The following CFAP61 variants were observed in gnomAD, a reference collection of about 807,000 sequenced individuals.
CFAP61 encodes the protein cilia- and flagella-associated protein 61.
CFAP61 carries 107 observed loss-of-function variants against 135.6 expected under a neutral mutation model. That is an observed-to-expected ratio of 0.79 (90% CI 0.67 to 0.93). The LOEUF (loss-of-function observed/expected upper bound fraction) is 0.93, where lower values mean the gene tolerates loss of function less well. Among genes scored for constraint, CFAP61 ranks in the 40% least tolerant of loss-of-function variants. The pLI, the probability that CFAP61 is intolerant of heterozygous loss-of-function variation, is 0.00. For missense variants in CFAP61, 1,507 were observed against 1,556.2 expected (o/e 0.97, Z 0.53); for synonymous variants, 575 against 578.5 (o/e 0.99, Z 0.09).
At chr20:20,122,363 G>A (rs2049721193) in intron 8 of CFAP61, among the ~76,000 whole-genome samples, 1 of 152,040 alleles carries the variant, frequency 6.6e-6, no homozygotes, top group Non-Finnish European at 1.5e-5. Flanking sequence ...CACCATATTG[G>A]CCAGGCTGGT....
chr20:20,093,144 A>G (rs2047324219), intron 7 of CFAP61, among the ~76,000 whole-genome samples: 1 of 152,228 alleles, frequency 6.6e-6, no homozygotes, highest in Non-Finnish European at 1.5e-5. Context: ...AAAGAGAACG[A>G]AGCACTGATA....
chr20:20,200,955 A>G, intron 17 of CFAP61: 1 of 985,350 alleles, frequency 1.0e-6, no homozygotes, highest in East Asian at 1.1e-4. Context: ...TGTGTCTTAC[A>G]TTCATCTTTA....
At chr20:20,149,088 C>T (rs1386467889) in intron 9 of CFAP61, among the ~76,000 whole-genome samples, 2 of 152,148 alleles carry the variant, frequency 1.3e-5, no homozygotes, top group African/African-American at 4.8e-5. Context: ...GCGTAATTGA[C>T]ATATATAAAA....
intron 26 of CFAP61, 131 bp from the exon 27 acceptor site, chr20:20,360,079 T>A: frequency 1.4e-6 from 1 of 718,018 alleles, no homozygotes; most frequent in Non-Finnish European, 2.4e-6. Flanking sequence ...AAAATAAATT[T>A]TCAAAAGCTA....
intron 18 of CFAP61, among the ~76,000 whole-genome samples, chr20:20,245,341 T>A (rs538244228): frequency 2.4e-4 from 37 of 152,288 alleles, no homozygotes; most frequent in Admixed American, 2.3e-3. Flanking sequence ...TCCACGTGGC[T>A]GGGGAGGCCT....
At chr20:20,096,601 C>T (rs1404764081) in intron 7 of CFAP61, among the ~76,000 whole-genome samples, 4 of 152,230 alleles carry the variant, frequency 2.6e-5, no homozygotes, top group African/African-American at 4.8e-5. Flanking sequence ...TGCGCCAGCG[C>T]GGCTGTAGAT....
At chr20:20,136,440 T>G (rs2050930809) in intron 8 of CFAP61, among the ~76,000 whole-genome samples, 1 of 152,152 alleles carries the variant, frequency 6.6e-6, no homozygotes, top group Non-Finnish European at 1.5e-5. Flanking sequence ...TTTTTTCTTT[T>G]GTCTCCTCTG....
intron 21 of CFAP61, chr20:20,265,397 T>A (rs532647176): frequency 1.3e-6 from 1 of 779,842 alleles, no homozygotes; most frequent in African/African-American, 1.7e-5. Context: ...GCCTTTGTAT[T>A]GTCCTCTTGG....
chr20:20,125,246 T>C (rs1453582670), intron 8 of CFAP61, among the ~76,000 whole-genome samples: 1 of 151,812 alleles, frequency 6.6e-6, no homozygotes, highest in Admixed American at 6.6e-5. Context: ...GGTTATTTCC[T>C]TTCTTCTGCT....
At chr20:20,245,982 C>T (rs1278478941) in intron 18 of CFAP61, 135 bp from the exon 19 acceptor site, 8 of 621,498 alleles carry the variant, frequency 1.3e-5, no homozygotes, top group South Asian at 1.2e-4. Flanking sequence ...TCTGAAGGTT[C>T]GTGCAAAGAA....
intron 17 of CFAP61, among the ~76,000 whole-genome samples, chr20:20,223,303 C>T (rs956334130): frequency 2.6e-5 from 4 of 152,134 alleles, no homozygotes; most frequent in Non-Finnish European, 5.9e-5. Context: ...CCCGAGGAAA[C>T]TGATATTTAG....
chr20:20,201,624 T>C (rs936567299), intron 17 of CFAP61, among the ~76,000 whole-genome samples: 2 of 152,114 alleles, frequency 1.3e-5, no homozygotes, highest in African/African-American at 4.8e-5. Flanking sequence ...AAAGACAGTG[T>C]CTTGGGGTCA....
At chr20:20,161,888 C>T (rs2053434684) in intron 10 of CFAP61, among the ~76,000 whole-genome samples, 1 of 78,670 alleles carries the variant, frequency 1.3e-5, no homozygotes, top group Non-Finnish European at 2.7e-5. Context: ...CTCTCAATGC[C>T]AGGAGCCAGG....
At chr20:20,267,691 C>G (rs1296671942) in intron 21 of CFAP61, 1 of 152,190 alleles carries the variant, frequency 6.6e-6, no homozygotes, top group Admixed American at 6.5e-5. Flanking sequence ...CCCGTGGCCA[C>G]GAAAACGTAG....
chr20:20,142,818 CA>C (rs1450445287), intron 8 of CFAP61, 38 bp from the exon 9 acceptor site: 1 of 1,113,428 alleles, frequency 9.0e-7, no homozygotes, highest in Non-Finnish European at 1.3e-6. Context: ...AGATATTTAT[CA>C]TCTATTTTCT....
chr20:20,169,091 C>G (rs1458645342), intron 12 of CFAP61, among the ~76,000 whole-genome samples: 2 of 152,168 alleles, frequency 1.3e-5, no homozygotes, highest in African/African-American at 2.4e-5. Flanking sequence ...TTATAAGATT[C>G]ATTTATTCAG....
At chr20:20,322,381 C>T (rs1166448423) in intron 25 of CFAP61, among the ~76,000 whole-genome samples, 1 of 152,162 alleles carries the variant, frequency 6.6e-6, no homozygotes, top group Non-Finnish European at 1.5e-5. Flanking sequence ...GGCCTACCCC[C>T]ACAAAGAGAG....
chr20:20,067,662 T>TATAA lies in CFAP61; in HGVS notation c.144-3191_144-3190insTAAA, dbSNP rs2045377464. Among the ~76,000 whole-genome samples, 6 of 122,440 alleles carry TATAA rather than the reference T, an allele frequency of 4.9e-5. No homozygotes were observed. The South Asian group carries it at 1.4e-3, about 28-fold the overall frequency. 80.3% of individuals were successfully genotyped at this position (122,440 alleles called of 152,430 possible). A position where few individuals can be genotyped will look rare whatever the true frequency, so the allele number is the denominator to read the frequency against. ...ATCTCAAAATATATATATATATATATAATATATATATTTATATTATATATA... is the reference window on the plus strand; with the variant it reads ...ATCTCAAAATATATATATATATATATATAAAATATATATATTTATATTATATATA... On this transcript the variant is annotated intron_variant, in intron 2 of 26. Transcript: ENST00000245957.
At chr20:20,224,314 C>T (rs891146933) in intron 17 of CFAP61, among the ~76,000 whole-genome samples, 1 of 152,144 alleles carries the variant, frequency 6.6e-6, no homozygotes, top group Non-Finnish European at 1.5e-5. Flanking sequence ...CAGCCGGTCT[C>T]CCCTCCCATC....
Sources: allele counts gnomAD v4.1 joint callset (sites outside exome capture counted in the v4.1 genomes callset), GRCh38; gene constraint gnomAD v4.1.1; transcripts MANE v1.5; gene names NCBI Gene and HGNC (gene_info 2026-07-23, HGNC 2026-07-21).